Variants in ARVCF observed in about 807,000 individuals in gnomAD.
ARVCF encodes splicing regulator ARVCF.
Under a neutral mutation model 90.9 loss-of-function variants are expected in ARVCF, and 66 were observed. The observed-to-expected ratio is 0.73, with a 90% confidence interval of 0.60 to 0.89. ARVCF has a LOEUF of 0.89. Ranked by LOEUF, ARVCF falls within the 40% of genes least tolerant of loss-of-function variation. The probability of loss-of-function intolerance (pLI) is 0.00; values close to 1 mark genes in which losing one functional copy is unlikely to be tolerated. For synonymous variants in ARVCF, 653 were observed against 603.4 expected (o/e 1.08, Z -1.21); for missense variants, 1,469 against 1,382.3 (o/e 1.06, Z -1.00).
intron 19 of ARVCF, 149 bp from the exon 20 acceptor site, chr22:19,970,892 A>G: frequency 9.0e-7 from 1 of 1,111,308 alleles, no homozygotes; most frequent in African/African-American, 1.6e-5. Context: ...GCTGACCCCA[A>G]GGGTCTTGGC....
chr22:19,972,957 G>A lies in ARVCF; in HGVS notation c.2518C>T (p.Gln840Ter), dbSNP rs746190051. The A allele has an allele frequency of 1.9e-6, 3 of 1,613,826 alleles. No individual in the cohort carries two copies. Among genetic ancestry groups the A allele is most frequent in the South Asian group, 2.2e-5 (2 of 91,092 alleles). Reference protein sequence around the residue: ...WSYKELRGTLQKDGWTKARFQ... With the variant: ...WSYKELRGTL ...CGCGCCTTGGTCCAACCATCTTTCT[G>A]CAAGGTACCACGCAGCTCCTTGTAG... Residue 840 changes from glutamine (Q) to a stop codon, truncating the protein, a stop_gained, in exon 15 of 20, where the codon CAG becomes TAG. Coordinates refer to ENST00000263207, the MANE Select transcript of ARVCF (RefSeq NM_001670.3). LOFTEE classifies it high-confidence loss of function.
intron 2 of ARVCF, 60 bp from the exon 3 acceptor site, chr22:19,990,872 G>A (rs1429036157): frequency 6.7e-7 from 1 of 1,494,284 alleles, no homozygotes; most frequent in African/African-American, 1.4e-5. Flanking sequence ...GGCCATCATG[G>A]GCCCCTGCCC....
chr22:19,981,167 G>C (rs1943470650), intron 5 of ARVCF, 44 bp downstream of exon 5: 2 of 1,469,650 alleles, frequency 1.4e-6, no homozygotes, highest in Non-Finnish European at 1.8e-6. Flanking sequence ...GTGGAGGGCA[G>C]ACTTCCCAGA....
intron 11 of ARVCF, 149 bp downstream of exon 11, chr22:19,975,537 C>T: frequency 3.7e-6 from 3 of 806,636 alleles, no homozygotes; most frequent in Non-Finnish European, 5.9e-6. Context: ...GCTGAATCAC[C>T]CTCCAGGAAA....
At chr22:20,014,106 C>A (rs1010457346) in intron 1 of ARVCF, among the ~76,000 whole-genome samples, 2 of 152,060 alleles carry the variant, frequency 1.3e-5, no homozygotes, top group Non-Finnish European at 2.9e-5. Flanking sequence ...AAACTCCTGA[C>A]CTCAGGTGAT....
intron 16 of ARVCF, 76 bp downstream of exon 16, chr22:19,972,661 C>T: frequency 1.4e-6 from 2 of 1,459,530 alleles, no homozygotes; most frequent in South Asian, 1.3e-5. Context: ...ACTCCTCCTT[C>T]ACCTTCACCC....
At chr22:20,015,311 T>C (rs138761402) in intron 1 of ARVCF, among the ~76,000 whole-genome samples, 7 of 152,168 alleles carry the variant, frequency 4.6e-5, no homozygotes, top group African/African-American at 1.7e-4. Flanking sequence ...GGAGCAGACA[T>C]TGCGGATAGG....
Position 20,016,738 on chromosome 22 carries a change from G to T in ARVCF, c.-222C>A, listed in dbSNP as rs1182642818. 6.6e-6 allele frequency: 1 copy of T among 151,294 alleles called. No homozygotes were observed. The highest frequency in any genetic ancestry group is 2.4e-5 in the African/African-American group (1 of 41,400). The allele number at this position is 151,294 out of a possible 1,614,324, so 9.4% of individuals were successfully genotyped here. On this transcript the variant is annotated 5_prime_UTR_variant, in exon 1 of 20. Coordinates refer to ENST00000263207, the MANE Select transcript of ARVCF (RefSeq NM_001670.3). ...AGTCCACGCGGCCGCAACTCGGACCGGTGCGGGGGCCGCCCCCTCCCTCCA... is the reference window on the plus strand; with the variant it reads ...AGTCCACGCGGCCGCAACTCGGACCTGTGCGGGGGCCGCCCCCTCCCTCCA...
chr22:20,010,531 G>A (rs1944788148), intron 1 of ARVCF, 23 bp from the exon 2 acceptor site: 2 of 152,280 alleles, frequency 1.3e-5, no homozygotes, highest in Non-Finnish European at 2.9e-5. Context: ...CAGAGGGCAT[G>A]AGTGAGGTCA....
rs980091296 is a variant in ARVCF, at chr22:19,989,557, G to C, written c.210+1028C>G. On this transcript the variant is annotated intron_variant, in intron 3 of 19. Transcript: ENST00000263207. The stretch of plus-strand genomic sequence containing the variant: ...GCTCCCTTTCTCTCTAGATGAGAAG[G>C]GCCAGGCTGCCCCAAGCTCCTGGCA... Among the ~76,000 whole-genome samples the C allele has an allele frequency of 9.9e-5, 15 of 152,230 alleles. No individual in the cohort carries two copies. In the East Asian group the frequency reaches 2.7e-3, roughly 28 times the overall value.
chr22:19,968,327 C>T (rs891289157), downstream of ARVCF, among the ~76,000 whole-genome samples: 5 of 152,194 alleles, frequency 3.3e-5, no homozygotes, highest in Non-Finnish European at 7.3e-5. Context: ...GGTCCCTGTC[C>T]TCACGGGGCC....
chr22:19,970,799 G>A (rs149727825), intron 19 of ARVCF, 56 bp from the exon 20 acceptor site: 98 of 1,294,064 alleles, frequency 7.6e-5, no homozygotes, highest in East Asian at 1.6e-4. Flanking sequence ...ACAGGACCAC[G>A]TGTAACCTCA....
intron 2 of ARVCF, among the ~76,000 whole-genome samples, chr22:19,992,404 A>G (rs1195095218): frequency 6.6e-6 from 1 of 152,012 alleles, no homozygotes; most frequent in Admixed American, 6.6e-5. Flanking sequence ...ACAGCACTGC[A>G]CTCCCCAAGC....
Position 20,002,335 on chromosome 22 carries a change from C to T in ARVCF, c.-19+8120G>A, listed in dbSNP as rs546294981. 5.6e-4 allele frequency among the ~76,000 whole-genome samples: 86 copies of T among 152,286 alleles called. 1 individual carries two copies. Among genetic ancestry groups the T allele is most frequent in the Non-Finnish European group, 9.4e-4 (64 of 68,026 alleles). ...GCCTGGGCCTCTCTCTATACCAGGC[C>T]GTCTGCAGGCCTGCAGGGGCTGCAT... is the stretch of plus-strand genomic sequence containing the variant. On this transcript the variant is annotated intron_variant, in intron 2 of 19. Transcript: ENST00000263207.
Position 19,973,674 on chromosome 22 carries a change from G to A in ARVCF, c.2208C>T (p.Leu736=), listed in dbSNP as rs767404092. 3 of 1,610,472 alleles carry A rather than the reference G, an allele frequency of 1.9e-6. No homozygotes were observed. The South Asian group carries it at 3.3e-5, about 18-fold the overall frequency. ...GGTCTTTGTTGCGCCGGTCCAGCGA[G>A]AGGTTGCGCAGAGCGATGGCGACGG... The part of the protein sequence containing the change: ...VRAVAIALRN[L]SLDRRNKDLI... Residue 736 remains leucine (L), a synonymous_variant, in exon 13 of 20, where the codon CTC becomes CTT. Transcript: ENST00000263207.
chr22:20,007,758 A>G (rs1944684333), intron 2 of ARVCF, among the ~76,000 whole-genome samples: 1 of 152,250 alleles, frequency 6.6e-6, no homozygotes, highest in Non-Finnish European at 1.5e-5. Context: ...GCGACAAAGA[A>G]GGCCCTCGCC....
At chr22:20,005,570 A>G (rs1944591098) in intron 2 of ARVCF, among the ~76,000 whole-genome samples, 1 of 152,216 alleles carries the variant, frequency 6.6e-6, no homozygotes. Context: ...CTGTAATCCC[A>G]ACACTTTGGG....
At chr22:19,968,740 C>CA, downstream of ARVCF, 1 of 1,471,692 alleles carries the variant, frequency 6.8e-7, no homozygotes, top group Non-Finnish European at 9.0e-7. Context: ...GCCCTGACTG[C>CA]CCCCCCGGCC....
intron 2 of ARVCF, among the ~76,000 whole-genome samples, chr22:19,995,346 G>A (rs901441926): frequency 5.9e-5 from 9 of 151,704 alleles, no homozygotes; most frequent in Non-Finnish European, 1.0e-4. Flanking sequence ...GGATGGAGGA[G>A]TGGATGAAGG....
Sources: allele counts gnomAD v4.1 joint callset (sites outside exome capture counted in the v4.1 genomes callset), GRCh38; gene constraint gnomAD v4.1.1; transcripts MANE v1.5; gene names NCBI Gene and HGNC (gene_info 2026-07-23, HGNC 2026-07-21).